SLC39A10: variants seen among roughly 807,000 people sequenced by gnomAD.
SLC39A10 encodes the protein zinc transporter ZIP10.
SLC39A10 carries 13 observed loss-of-function variants against 65.1 expected under a neutral mutation model. The observed-to-expected ratio is 0.20, with a 90% CI of 0.13 to 0.32. The LOEUF (loss-of-function observed/expected upper bound fraction) is 0.32, where lower values mean the gene tolerates loss of function less well. SLC39A10 is among the 10% of genes least tolerant of loss of function. The probability of loss-of-function intolerance (pLI) is 1.00; values close to 1 mark genes in which losing one functional copy is unlikely to be tolerated. For synonymous variants in SLC39A10, 321 were observed against 342.2 expected (o/e 0.94, Z 0.68); for missense variants, 831 against 1,018.4 (o/e 0.82, Z 2.50).
At chr2:195,692,799 A>C (rs1463072328) in intron 3 of SLC39A10, among the ~76,000 whole-genome samples, 1 of 152,038 alleles carries the variant, frequency 6.6e-6, no homozygotes, top group East Asian at 1.9e-4. Flanking sequence ...CTTCCTCTTT[A>C]CCAATTTGGG....
intron 2 of SLC39A10, among the ~76,000 whole-genome samples, chr2:195,634,594 T>A (rs1167544305): frequency 6.6e-6 from 1 of 152,222 alleles, no homozygotes; most frequent in Non-Finnish European, 1.5e-5. Flanking sequence ...TGAATATTGA[T>A]GTATTGACAG....
At chr2:195,705,589 A>G (rs1472522215) in intron 3 of SLC39A10, among the ~76,000 whole-genome samples, 1 of 152,018 alleles carries the variant, frequency 6.6e-6, no homozygotes, top group Non-Finnish European at 1.5e-5. Context: ...TATTTTTTCA[A>G]TATTATATCA....
At chr2:195,620,065 G>A (rs866970928) in intron 2 of SLC39A10, among the ~76,000 whole-genome samples, 6 of 152,058 alleles carry the variant, frequency 3.9e-5, no homozygotes, top group African/African-American at 1.2e-4. Context: ...TGGGATTACC[G>A]GTGCCCACCA....
At chr2:195,704,998 G>C (rs377301843) in intron 3 of SLC39A10, among the ~76,000 whole-genome samples, 1 of 152,030 alleles carries the variant, frequency 6.6e-6, no homozygotes, top group Admixed American at 6.6e-5. Context: ...GAGTTTCACC[G>C]TGTTGCCCAG....
chr2:195,635,105 T>C (rs1193856551), intron 2 of SLC39A10, among the ~76,000 whole-genome samples: 1 of 152,124 alleles, frequency 6.6e-6, no homozygotes, highest in Non-Finnish European at 1.5e-5. Flanking sequence ...CTGACATCAA[T>C]TTGCCCAGAT....
At chr2:195,726,613 C>T (rs1692249860) in intron 8 of SLC39A10, among the ~76,000 whole-genome samples, 1 of 152,110 alleles carries the variant, frequency 6.6e-6, no homozygotes, top group South Asian at 2.1e-4. Flanking sequence ...AACTTAGAAA[C>T]CATTGGTAGA....
intron 3 of SLC39A10, among the ~76,000 whole-genome samples, chr2:195,706,065 C>T (rs941365935): frequency 3.3e-5 from 5 of 152,002 alleles, no homozygotes; most frequent in Non-Finnish European, 2.9e-5. Flanking sequence ...AAAAATAGGA[C>T]TGAACTAACC....
At chr2:195,720,369 G>C (rs1691986552) in intron 8 of SLC39A10, among the ~76,000 whole-genome samples, 1 of 152,146 alleles carries the variant, frequency 6.6e-6, no homozygotes, top group African/African-American at 2.4e-5. Context: ...AAAAACAGTA[G>C]CTTAAGATGT....
At position 195,630,990 on chromosome 2, in the gene SLC39A10, A is replaced by G. The variant is rs546929672; in HGVS notation, c.-12+24757A>G. Among the ~76,000 whole-genome samples the G allele has an allele frequency of 3.3e-5, 5 of 152,254 alleles. 1 individual carries two copies. In the South Asian group the frequency reaches 1.0e-3, roughly 32 times the overall value. On this transcript the variant is annotated intron_variant, in intron 2 of 2. Coordinates refer to the SLC39A10 transcript ENST00000458054. Reference sequence around the variant, plus strand: ...GATCACTTGAGGTCAAGAGTTTGAGACCAGCCTGGCCAACAGGGTGAAATC... The same window carrying G: ...GATCACTTGAGGTCAAGAGTTTGAGGCCAGCCTGGCCAACAGGGTGAAATC...
chr2:195,709,193 TTGTATGTATGTATGTATGTA>T lies in SLC39A10; in HGVS notation c.1575+383_1575+402del, dbSNP rs59346406. Reference sequence around the variant, plus strand: ...GCACATGCCACCATGCCCAGCTAACTTGTATGTATGTATGTATGTATGTATGTATGTATGTATGTATGTAT... The same window carrying T: ...GCACATGCCACCATGCCCAGCTAACTTGTATGTATGTATGTATGTATGTAT... On this transcript the variant is annotated intron_variant, in intron 5 of 9. Transcript: ENST00000359634. Among the ~76,000 whole-genome samples, 714 of 145,026 alleles carry T rather than the reference TTGTATGTATGTATGTATGTA, an allele frequency of 4.9e-3. 1 individual carries two copies. The highest frequency in any genetic ancestry group is 9.3e-3 in the Admixed American group (133 of 14,342).
At chr2:195,654,518 ATAT>A (rs1275768412), upstream of SLC39A10, among the ~76,000 whole-genome samples, 1 of 152,224 alleles carries the variant, frequency 6.6e-6, no homozygotes, top group Non-Finnish European at 1.5e-5. Flanking sequence ...ATGTGAACTA[ATAT>A]TGTGGCTGAA....
At chr2:195,666,040 A>AT (rs1043855413) in intron 1 of SLC39A10, among the ~76,000 whole-genome samples, 14 of 152,092 alleles carry the variant, frequency 9.2e-5, no homozygotes, top group Admixed American at 2.6e-4. Flanking sequence ...AATTAGCTTG[A>AT]TTTTTTTGTC....
chr2:195,625,670 G>C (rs1688458170), intron 2 of SLC39A10, among the ~76,000 whole-genome samples: 1 of 152,144 alleles, frequency 6.6e-6, no homozygotes, highest in Admixed American at 6.5e-5. Context: ...ACCTAATTGT[G>C]TGCAAGGCAT....
At chr2:195,711,919 T>C (rs77572133) in intron 5 of SLC39A10, among the ~76,000 whole-genome samples, 1,596 of 152,308 alleles carry the variant, frequency 0.01, 36 homozygotes, top group East Asian at 0.07. Flanking sequence ...CTTTAGGACT[T>C]GTCCGTATCA....
Position 195,728,496 on chromosome 2 carries a change from T to A in SLC39A10, c.2337+147T>A. On this transcript the variant is annotated intron_variant, in intron 9 of 9. Transcript: ENST00000359634. The surrounding 1 kb of genome is among the most constrained non-coding windows in gnomAD (Gnocchi z 4.4). Reference sequence around the variant, plus strand: ...AATCTCTTAAGGAAGGACATTTAAGTAGGAGGTTTCCTTTTATGGAAACCA... The same window carrying A: ...AATCTCTTAAGGAAGGACATTTAAGAAGGAGGTTTCCTTTTATGGAAACCA... The A allele has an allele frequency of 1.4e-6, 1 of 740,618 alleles. No homozygotes were observed. Among genetic ancestry groups the A allele is most frequent in the Non-Finnish European group, 2.1e-6 (1 of 483,798 alleles). 45.9% of individuals were successfully genotyped at this position (740,618 alleles called of 1,614,324 possible).
At chr2:195,633,177 G>C (rs1354025563) in intron 2 of SLC39A10, among the ~76,000 whole-genome samples, 1 of 152,178 alleles carries the variant, frequency 6.6e-6, no homozygotes, top group Non-Finnish European at 1.5e-5. Context: ...AATTTTCTCT[G>C]ACCCCTTCAT....
At position 195,735,187 on chromosome 2, in the gene SLC39A10, C is replaced by CT. The variant is rs1692551895; in HGVS notation, c.*147dup. 5.2e-6 allele frequency: 4 copies of CT among 769,138 alleles called. No individual in the cohort carries two copies. Among genetic ancestry groups the CT allele is most frequent in the Admixed American group, 3.4e-5 (1 of 29,066 alleles). The allele number at this position is 769,138 out of a possible 1,614,324, so 47.6% of individuals were successfully genotyped here. ...TAGATTTGAGCCTAACCACAAGAGGCTGGTGCTTAGTACTGTTTTCCCTGC... is the reference window on the plus strand; with the variant it reads ...TAGATTTGAGCCTAACCACAAGAGGCTTGGTGCTTAGTACTGTTTTCCCTGC... On this transcript the variant is annotated 3_prime_UTR_variant, in exon 10 of 10. Transcript: ENST00000359634.
intron 3 of SLC39A10, among the ~76,000 whole-genome samples, chr2:195,688,049 G>A (rs1690593998): frequency 6.6e-6 from 1 of 152,188 alleles, no homozygotes; most frequent in South Asian, 2.1e-4. Context: ...GAATAACTAA[G>A]CTTGAAGACC....
At position 195,716,784 on chromosome 2, in the gene SLC39A10, C is replaced by A; in HGVS notation, c.1844C>A (p.Thr615Asn). Reference protein sequence around the residue: ...IDHSHSDGLHTIHEHDLHAAA... With the variant: ...IDHSHSDGLHNIHEHDLHAAA... ...CATTCTCACAGTGATGGATTACATA[C>A]CATTCATGAGCATGATCTCCATGCT... The change falls in exon 7 of 10, where the codon ACC (threonine) becomes AAC (asparagine). Residue 615 changes from threonine (T) to asparagine (N), a missense_variant. Thr to Asn is a moderately conservative substitution (Grantham distance 65). Transcript: ENST00000359634. The A allele has an allele frequency of 6.2e-7, 1 of 1,614,120 alleles. No individual in the cohort carries two copies. The highest frequency in any genetic ancestry group is 8.5e-7 in the Non-Finnish European group (1 of 1,180,006).
Sources: allele counts gnomAD v4.1 joint callset (sites outside exome capture counted in the v4.1 genomes callset), GRCh38; gene constraint gnomAD v4.1.1; non-coding constraint Gnocchi (gnomAD v3.1); transcripts MANE v1.5; gene names NCBI Gene and HGNC (gene_info 2026-07-23, HGNC 2026-07-21).